Variants in RPS6KA5 observed in about 807,000 individuals in gnomAD.
The protein encoded by RPS6KA5 is ribosomal protein S6 kinase alpha-5.
Under a neutral mutation model 85.5 loss-of-function variants are expected in RPS6KA5, and 27 were observed. That is an observed-to-expected ratio of 0.32 (90% CI 0.23 to 0.44). RPS6KA5 has a LOEUF of 0.44. Among genes scored for constraint, RPS6KA5 ranks in the 20% least tolerant of loss-of-function variants. The probability of loss-of-function intolerance (pLI) is 1.00; values close to 1 mark genes in which losing one functional copy is unlikely to be tolerated. For missense variants in RPS6KA5, 811 were observed against 980.9 expected (o/e 0.83, Z 2.31); for synonymous variants, 334 against 348.2 (o/e 0.96, Z 0.46).
chr14:90,915,192 A>G (rs1204093945), intron 7 of RPS6KA5, among the ~76,000 whole-genome samples: 1 of 152,194 alleles, frequency 6.6e-6, no homozygotes, highest in African/African-American at 2.4e-5. Flanking sequence ...ACCTAGACCA[A>G]GGGTTGGCAA....
intron 1 of RPS6KA5, among the ~76,000 whole-genome samples, chr14:91,022,520 G>A (rs541083226): frequency 1.3e-5 from 2 of 151,682 alleles, no homozygotes; most frequent in East Asian, 1.9e-4. Context: ...AGTTAAAGCA[G>A]AAAAAAAAGG....
chr14:90,910,843 G>A (rs1369943138), intron 7 of RPS6KA5, among the ~76,000 whole-genome samples: 3 of 151,750 alleles, frequency 2.0e-5, no homozygotes, highest in Admixed American at 6.6e-5. Context: ...CCTCCACCAC[G>A]CCCGGCTAAT....
Position 90,903,804 on chromosome 14 carries a change from G to T in RPS6KA5, c.958-835C>A, listed in dbSNP as rs1053887027. On this transcript the variant is annotated intron_variant, in intron 8 of 16. Coordinates refer to ENST00000614987, the MANE Select transcript of RPS6KA5 (RefSeq NM_004755.4). ...ATAGTAAGATACACAATTATTTTAT[G>T]TATCATTAAGAAGAAAAAAGTATTA... Among the ~76,000 whole-genome samples the T allele has an allele frequency of 2.4e-4, 36 of 152,068 alleles. 1 individual carries two copies. Among genetic ancestry groups the T allele is most frequent in the Non-Finnish European group, 4.6e-4 (31 of 68,040 alleles).
At chr14:90,926,442 A>T (rs1419428304) in intron 5 of RPS6KA5, among the ~76,000 whole-genome samples, 1 of 151,976 alleles carries the variant, frequency 6.6e-6, no homozygotes, top group Non-Finnish European at 1.5e-5. Context: ...AAGACTTAGT[A>T]AATTTGAGAA....
At chr14:91,043,313 C>T (rs2042671868) in intron 1 of RPS6KA5, among the ~76,000 whole-genome samples, 1 of 152,148 alleles carries the variant, frequency 6.6e-6, no homozygotes, top group Non-Finnish European at 1.5e-5. Context: ...ATGATCTAAC[C>T]TACTACCTTG....
Position 90,988,207 on chromosome 14 carries a change from A to G in RPS6KA5, c.176-9683T>C, listed in dbSNP as rs2140517392. On this transcript the variant is annotated intron_variant, in intron 2 of 16. Coordinates refer to ENST00000614987, the MANE Select transcript of RPS6KA5 (RefSeq NM_004755.4). The stretch of plus-strand genomic sequence containing the variant: ...GACCTTTGGTGGTTGTTATTTCTCT[A>G]TTTACTGCAGGACACATTTTAGGCT... 2.0e-5 allele frequency among the ~76,000 whole-genome samples: 3 copies of G among 152,322 alleles called. 1 individual carries two copies. Among genetic ancestry groups the G allele is most frequent in the Admixed American group, 2.0e-4 (3 of 15,296 alleles).
At chr14:90,882,160 T>C (rs144029050) in intron 14 of RPS6KA5, among the ~76,000 whole-genome samples, 26 of 152,348 alleles carry the variant, frequency 1.7e-4, no homozygotes, top group African/African-American at 6.3e-4. Context: ...TATAGCTATT[T>C]TCTTTGTGGT....
At chr14:90,960,119 G>T (rs2038722577) in intron 3 of RPS6KA5, among the ~76,000 whole-genome samples, 1 of 152,018 alleles carries the variant, frequency 6.6e-6, no homozygotes, top group South Asian at 2.1e-4. Context: ...TTCACATTTG[G>T]ACCAGTGGGG....
At position 90,867,045 on chromosome 14, in the gene RPS6KA5, C is replaced by T. The variant is rs939170838; in HGVS notation, c.*5029G>A. 1 of 152,182 alleles carries T rather than the reference C, an allele frequency of 6.6e-6. No homozygotes were observed. The highest frequency in any genetic ancestry group is 2.4e-5 in the African/African-American group (1 of 41,450). 9.4% of individuals were successfully genotyped at this position (152,182 alleles called of 1,614,324 possible). On this transcript the variant is annotated 3_prime_UTR_variant, in exon 17 of 17. Transcript: ENST00000614987. ...TTCCAACATAGCAGTGCACATTTCACATGACCAGCCTCTTATGTAGTTAAA... is the reference window on the plus strand; with the variant it reads ...TTCCAACATAGCAGTGCACATTTCATATGACCAGCCTCTTATGTAGTTAAA...
At chr14:90,936,485 C>T (rs1442697844) in intron 5 of RPS6KA5, among the ~76,000 whole-genome samples, 1 of 151,980 alleles carries the variant, frequency 6.6e-6, no homozygotes, top group Non-Finnish European at 1.5e-5. Context: ...GATGGCTTGA[C>T]CCCAGGAGGC....
intron 14 of RPS6KA5, among the ~76,000 whole-genome samples, chr14:90,878,543 T>A (rs776406210): frequency 2.0e-5 from 3 of 152,130 alleles, no homozygotes; most frequent in Non-Finnish European, 4.4e-5. Context: ...ATATCTATAG[T>A]GAAGGAAAGA....
At chr14:90,982,718 C>T (rs1380552831) in intron 2 of RPS6KA5, among the ~76,000 whole-genome samples, 1 of 152,214 alleles carries the variant, frequency 6.6e-6, no homozygotes, top group Admixed American at 6.5e-5. Flanking sequence ...GTGGCTCACG[C>T]CTCTAATCCC....
At chr14:90,880,800 G>GGACCCTCT (rs2033785878) in intron 14 of RPS6KA5, among the ~76,000 whole-genome samples, 2 of 151,404 alleles carry the variant, frequency 1.3e-5, no homozygotes, top group South Asian at 4.2e-4. Flanking sequence ...TAATATATGA[G>GGACCCTCT]GACCCTCTGA....
At position 90,862,406 on chromosome 14, in the gene RPS6KA5, G is replaced by A. The variant is rs1247362459; in HGVS notation, c.*9668C>T. On this transcript the variant is annotated 3_prime_UTR_variant, in exon 17 of 17. Coordinates refer to ENST00000614987, the MANE Select transcript of RPS6KA5 (RefSeq NM_004755.4). ...AAACTTGACAAAAATATTAAAGACA[G>A]AAAAATTACAGGTCTGTCCTTCTTC... 2 of 151,596 alleles carry A rather than the reference G, an allele frequency of 1.3e-5. No individual in the cohort carries two copies. Among genetic ancestry groups the A allele is most frequent in the African/African-American group, 4.9e-5 (2 of 41,138 alleles). 9.4% of individuals were successfully genotyped at this position (151,596 alleles called of 1,614,324 possible).
intron 3 of RPS6KA5, among the ~76,000 whole-genome samples, chr14:90,969,025 A>G (rs889101970): frequency 6.6e-6 from 1 of 152,190 alleles, no homozygotes; most frequent in African/African-American, 2.4e-5. Context: ...TTATGAAATA[A>G]TATTTCCTTC....
chr14:90,953,759 C>A (rs1279259283), intron 3 of RPS6KA5, among the ~76,000 whole-genome samples: 3 of 152,170 alleles, frequency 2.0e-5, no homozygotes, highest in East Asian at 3.8e-4. Context: ...TGGTCTCCTG[C>A]AGTACCCTCA....
At chr14:91,033,189 C>A (rs374687445) in intron 1 of RPS6KA5, among the ~76,000 whole-genome samples, 156 of 138,324 alleles carry the variant, frequency 1.1e-3, no homozygotes, top group Admixed American at 1.3e-3. Context: ...GACTCTGTCT[C>A]AAAAAAAAAA....
chr14:91,005,151 C>A (rs180804669), intron 1 of RPS6KA5, among the ~76,000 whole-genome samples: 2 of 152,220 alleles, frequency 1.3e-5, no homozygotes, highest in African/African-American at 4.8e-5. Context: ...TAAATGAAAT[C>A]ATGCAATACA....
Position 90,962,044 on chromosome 14 carries a change from T to C in RPS6KA5, c.395-14494A>G, listed in dbSNP as rs13379254. 9.9e-3 allele frequency among the ~76,000 whole-genome samples: 1,507 copies of C among 152,260 alleles called. 11 individuals carry two copies. The highest frequency in any genetic ancestry group is 0.034 in the South Asian group (166 of 4,820). ...TAGAAATAATACATATAAAGGACAA[T>C]GCATATGATCAATACATCTCTCTTG... is the stretch of plus-strand genomic sequence containing the variant. On this transcript the variant is annotated intron_variant, in intron 3 of 16. Coordinates refer to ENST00000614987, the MANE Select transcript of RPS6KA5 (RefSeq NM_004755.4).
Sources: gnomAD v4.1 joint callset for allele counts (sites outside exome capture counted in the v4.1 genomes callset) on GRCh38, gnomAD v4.1.1 for gene constraint, MANE v1.5 for transcripts, NCBI Gene and HGNC (gene_info 2026-07-23, HGNC 2026-07-21) for gene names.